Variants in THSD4 observed in about 807,000 individuals in gnomAD.
The protein encoded by THSD4 is thrombospondin type-1 domain-containing protein 4.
THSD4 carries 69 observed loss-of-function variants against 119.0 expected under a neutral mutation model. That is an observed-to-expected ratio of 0.58 (90% CI 0.48 to 0.71). The LOEUF is 0.71. Among genes scored for constraint, THSD4 ranks in the 30% least tolerant of loss-of-function variants. The pLI is 0.00. For missense variants in THSD4, 1,393 were observed against 1,391.1 expected, an observed-to-expected ratio of 1.00 and a Z score of -0.02; for synonymous variants, 524 against 540.4, an observed-to-expected ratio of 0.97 and a Z score of 0.42.
chr15:71,215,207 A>G lies in THSD4; in HGVS notation c.272A>G (p.Gln91Arg), dbSNP rs1490765758. Reference sequence around the variant, plus strand: ...CGCTCCTACCGCCTGCGCGGCGGCCAGCGGCCTGGCGCCCCTGCGCGCGCC... The same window carrying G: ...CGCTCCTACCGCCTGCGCGGCGGCCGGCGGCCTGGCGCCCCTGCGCGCGCC... ...LPRSYRLRGG[Q>R]RPGAPARAFA... Residue 91 changes from glutamine to arginine, a missense_variant, in exon 4 of 18, where the codon CAG becomes CGG. Physicochemically the swap from Gln to Arg is conservative, Grantham distance 43. Transcript: ENST00000261862. 11 of 1,361,898 alleles carry G rather than the reference A, an allele frequency of 8.1e-6. No individual in the cohort carries two copies. In the Admixed American group the frequency reaches 3.2e-4, roughly 40 times the overall value. The allele number at this position is 1,361,898 out of a possible 1,614,324, so 84.4% of individuals were successfully genotyped here. A position where few individuals can be genotyped will look rare whatever the true frequency, so the allele number is the denominator to read the frequency against.
At chr15:71,546,484 G>T (rs1290726255) in intron 7 of THSD4, among the ~76,000 whole-genome samples, 1 of 152,122 alleles carries the variant, frequency 6.6e-6, no homozygotes, top group Non-Finnish European at 1.5e-5. Flanking sequence ...CCACTTTGAT[G>T]GTCTATGTGA....
chr15:71,343,296 TTAGA>T (rs2045606800), intron 6 of THSD4, among the ~76,000 whole-genome samples: 1 of 152,174 alleles, frequency 6.6e-6, no homozygotes. Context: ...ATTAGATAGA[TTAGA>T]TAGACCCTGT....
At chr15:71,361,699 T>C (rs1596366502) in intron 6 of THSD4, among the ~76,000 whole-genome samples, 1 of 152,230 alleles carries the variant, frequency 6.6e-6, no homozygotes, top group African/African-American at 2.4e-5. Context: ...TGATCATCCA[T>C]TGTAGTCTTG....
intron 6 of THSD4, among the ~76,000 whole-genome samples, chr15:71,265,269 G>A (rs1021015732): frequency 2.0e-5 from 3 of 152,084 alleles, no homozygotes; most frequent in Admixed American, 6.6e-5. Flanking sequence ...TATCACACTG[G>A]GACTGGTTAG....
At chr15:71,481,607 C>T (rs571310919) in intron 7 of THSD4, among the ~76,000 whole-genome samples, 23 of 152,276 alleles carry the variant, frequency 1.5e-4, no homozygotes, top group South Asian at 1.4e-3. Context: ...GCCAGTCCTT[C>T]CTTTTTGCCC....
intron 7 of THSD4, among the ~76,000 whole-genome samples, chr15:71,647,695 T>C (rs925596173): frequency 1.3e-5 from 2 of 152,132 alleles, no homozygotes; most frequent in African/African-American, 4.8e-5. Flanking sequence ...GGATGACAAA[T>C]GAGAAAAATC....
chr15:71,624,157 A>G (rs1205189786), intron 7 of THSD4, among the ~76,000 whole-genome samples: 1 of 152,186 alleles, frequency 6.6e-6, no homozygotes, highest in Admixed American at 6.5e-5. Flanking sequence ...CTGGAGCCAC[A>G]ATGACCTTTC....
intron 7 of THSD4, among the ~76,000 whole-genome samples, chr15:71,555,517 G>A (rs996734877): frequency 2.0e-5 from 3 of 152,090 alleles, no homozygotes; most frequent in African/African-American, 7.2e-5. Context: ...TTTCACTACT[G>A]ATTTAAGAGT....
At chr15:71,362,606 C>T (rs560162802) in intron 6 of THSD4, among the ~76,000 whole-genome samples, 30 of 152,242 alleles carry the variant, frequency 2.0e-4, no homozygotes, top group African/African-American at 7.2e-4. Context: ...TAAGCACATA[C>T]ATCGATCATA....
chr15:71,311,539 C>G (rs576728458), intron 6 of THSD4, among the ~76,000 whole-genome samples: 1 of 152,164 alleles, frequency 6.6e-6, no homozygotes, highest in African/African-American at 2.4e-5. Flanking sequence ...TTTGTCTGAT[C>G]CCGGGGTTTC....
chr15:71,642,694 G>T (rs569122370), intron 7 of THSD4, among the ~76,000 whole-genome samples: 1 of 151,608 alleles, frequency 6.6e-6, no homozygotes, highest in African/African-American at 2.4e-5. Context: ...GTAAACTATC[G>T]CAAGAACAAA....
intron 6 of THSD4, among the ~76,000 whole-genome samples, chr15:71,356,865 C>T (rs2045820293): frequency 6.6e-6 from 1 of 152,142 alleles, no homozygotes. Context: ...GAATTTTATT[C>T]CTAGAGCACC....
rs570709847 is a variant in THSD4 at position 71,390,226 on chromosome 15, C to A, written c.1016-21461C>A. Reference sequence around the variant, plus strand: ...ACTATCAAAAACCAGACAGGATGGACCCAGTGAAATATAGGCCAAGGGCTT... The same window carrying A: ...ACTATCAAAAACCAGACAGGATGGAACCAGTGAAATATAGGCCAAGGGCTT... On this transcript the variant is annotated intron_variant, in intron 6 of 17. Transcript: ENST00000261862. Among the ~76,000 whole-genome samples, 9 of 152,252 alleles carry A rather than the reference C, an allele frequency of 5.9e-5. No individual in the cohort carries two copies. In the East Asian group the frequency reaches 1.7e-3, roughly 29 times the overall value.
At chr15:71,744,892 C>G (rs1422884873) in intron 11 of THSD4, among the ~76,000 whole-genome samples, 1 of 152,192 alleles carries the variant, frequency 6.6e-6, no homozygotes, top group Non-Finnish European at 1.5e-5. Context: ...GCAGGCTCTT[C>G]TTTGCACCCC....
chr15:71,115,713 G>T lies in THSD4; in HGVS notation c.-80+15G>T, dbSNP rs1390861739. On this transcript the variant is annotated intron_variant, in intron 1 of 17. Coordinates refer to ENST00000261862, the MANE Select transcript of THSD4 (RefSeq NM_024817.3). The surrounding 1 kb of genome is among the most constrained non-coding windows in gnomAD (Gnocchi z 4.4). The stretch of plus-strand genomic sequence containing the variant: ...CGGACCGCCAGGTGAGCAGAGCCGC[G>T]CGCCCCGCGTCCCCTGCGCGCCGCC... The T allele has an allele frequency of 6.8e-6, 1 of 147,016 alleles. No homozygotes were observed. Among genetic ancestry groups the T allele is most frequent in the East Asian group, 2.0e-4 (1 of 5,092 alleles). The allele number at this position is 147,016 out of a possible 1,614,324, so 9.1% of individuals were successfully genotyped here. A position where few individuals can be genotyped will look rare whatever the true frequency, so the allele number is the denominator to read the frequency against.
chr15:71,745,731 G>T (rs761193645), intron 12 of THSD4, among the ~76,000 whole-genome samples: 1 of 152,134 alleles, frequency 6.6e-6, no homozygotes, highest in Non-Finnish European at 1.5e-5. Context: ...AGCAAACTCC[G>T]CCTCCTGGAT....
intron 7 of THSD4, among the ~76,000 whole-genome samples, chr15:71,451,820 G>A (rs2047269457): frequency 6.6e-6 from 1 of 152,254 alleles, no homozygotes; most frequent in Middle Eastern, 3.4e-3. Context: ...CATACACAGC[G>A]TTTTGGTCCT....
At chr15:71,404,084 G>T (rs1227746994) in intron 6 of THSD4, among the ~76,000 whole-genome samples, 1 of 151,974 alleles carries the variant, frequency 6.6e-6, no homozygotes, top group Non-Finnish European at 1.5e-5. Context: ...TTTCCTTTTT[G>T]TAAAATCACA....
At chr15:71,132,546 G>T (rs769543790) in intron 1 of THSD4, among the ~76,000 whole-genome samples, 2 of 152,158 alleles carry the variant, frequency 1.3e-5, no homozygotes, top group Non-Finnish European at 2.9e-5. Context: ...TGGGTTATTA[G>T]GTAATACAAT....
Sources: allele counts gnomAD v4.1 joint callset (sites outside exome capture counted in the v4.1 genomes callset), GRCh38; gene constraint gnomAD v4.1.1; non-coding constraint Gnocchi (gnomAD v3.1); transcripts MANE v1.5; gene names NCBI Gene and HGNC (gene_info 2026-07-23, HGNC 2026-07-21).